Variants in PAX2 observed in about 807,000 individuals in gnomAD.
The protein encoded by PAX2 is paired box 2.
PAX2 carries 9 observed loss-of-function variants against 41.7 expected under a neutral mutation model. That is an observed-to-expected ratio of 0.22 (90% CI 0.13 to 0.38). The LOEUF (loss-of-function observed/expected upper bound fraction) is 0.38, where lower values mean the gene tolerates loss of function less well. Ranked by LOEUF, PAX2 falls within the 10% of genes least tolerant of loss-of-function variation. PAX2 has a pLI of 1.00. For synonymous variants in PAX2, 221 were observed against 212.7 expected, an observed-to-expected ratio of 1.04 and a Z score of -0.34; for missense variants, 418 against 531.6, an observed-to-expected ratio of 0.79 and a Z score of 2.10.
chr10:100,802,657 CG>C (rs2133942064), intron 5 of PAX2, among the ~76,000 whole-genome samples: 1 of 152,242 alleles, frequency 6.6e-6, no homozygotes, highest in South Asian at 2.1e-4. Flanking sequence ...AGTACCTACT[CG>C]GGGCCATTCC....
intron 5 of PAX2, among the ~76,000 whole-genome samples, chr10:100,790,710 A>G (rs958356087): frequency 6.6e-6 from 1 of 152,192 alleles, no homozygotes; most frequent in Admixed American, 6.5e-5. Context: ...CCTGCCTGCC[A>G]GCGGAATGGT....
intron 3 of PAX2, among the ~76,000 whole-genome samples, chr10:100,752,752 G>A (rs1037581845): frequency 3.3e-5 from 5 of 152,082 alleles, no homozygotes; most frequent in African/African-American, 7.2e-5. Context: ...TGGTGGCCCC[G>A]TCCAACACCC....
intron 1 of PAX2, chr10:100,747,775 C>G (rs980930653): frequency 6.1e-6 from 6 of 984,908 alleles, no homozygotes; most frequent in Non-Finnish European, 7.2e-6. Context: ...TCTCGGCGAG[C>G]GGGCCGGAAA....
Position 100,750,556 on chromosome 10 carries a change from C to T in PAX2, c.213-138C>T, listed in dbSNP as rs1374782946. Reference sequence around the variant, plus strand: ...TAGCCAGGCACCCTCAGGAAGTCAGCTCAGCCACACTGGGCCTTTTCCCTC... The same window carrying T: ...TAGCCAGGCACCCTCAGGAAGTCAGTTCAGCCACACTGGGCCTTTTCCCTC... On this transcript the variant is annotated intron_variant, in intron 2 of 9. Coordinates refer to ENST00000355243, the MANE Select transcript of PAX2 (RefSeq NM_000278.5). This position sits in a 1 kb window ranked among gnomAD's most constrained non-coding sequence, Gnocchi z 4.1. 6.8e-6 allele frequency: 5 copies of T among 737,668 alleles called. No individual in the cohort carries two copies. Among genetic ancestry groups the T allele is most frequent in the Non-Finnish European group, 1.1e-5 (5 of 440,778 alleles). The allele number at this position is 737,668 out of a possible 1,614,324, so 45.7% of individuals were successfully genotyped here. A position where few individuals can be genotyped will look rare whatever the true frequency, so the allele number is the denominator to read the frequency against.
chr10:100,819,254 A>C (rs530624327), intron 7 of PAX2, among the ~76,000 whole-genome samples: 1 of 149,342 alleles, frequency 6.7e-6, no homozygotes, highest in Non-Finnish European at 1.5e-5. Context: ...TCTCAAAAAA[A>C]AAAAAGGGGG....
chr10:100,746,752 T>A (rs1462524128), intron 1 of PAX2, among the ~76,000 whole-genome samples: 1 of 152,152 alleles, frequency 6.6e-6, no homozygotes, highest in Non-Finnish European at 1.5e-5. Context: ...CCCTCTCCTG[T>A]CTCCCCACAT....
At position 100,829,722 on chromosome 10, in the gene PAX2, C is replaced by T; in HGVS notation, c.*2103C>T. The stretch of plus-strand genomic sequence containing the variant: ...GGCTCCAGTGGCCCGAACGGGGCGG[C>T]GAGGGCGGCGAGGGCGCCGAGGTCC... On this transcript the variant is annotated 3_prime_UTR_variant, in exon 10 of 10. Coordinates refer to ENST00000355243, the MANE Select transcript of PAX2 (RefSeq NM_000278.5). 1 of 201,782 alleles carries T rather than the reference C, an allele frequency of 5.0e-6. No individual in the cohort carries two copies. The highest frequency in any genetic ancestry group is 1.0e-5 in the Non-Finnish European group (1 of 97,410). The allele number at this position is 201,782 out of a possible 1,614,324, so 12.5% of individuals were successfully genotyped here.
chr10:100,735,979 A>T (rs1032667651), intron 1 of PAX2, among the ~76,000 whole-genome samples: 6 of 152,212 alleles, frequency 3.9e-5, no homozygotes, highest in African/African-American at 1.4e-4. Context: ...TCGCTTGCAG[A>T]ACTTGGCTTT....
In PAX2 at chr10:100,824,353, T is replaced by TACACACACAC. The variant is rs61572589; in HGVS notation, c.920-261_920-252dup. 0.11 allele frequency among the ~76,000 whole-genome samples: 15,179 copies of TACACACACAC among 135,318 alleles called. 1,153 individuals carry two copies. Among genetic ancestry groups the TACACACACAC allele is most frequent in the Non-Finnish European group, 0.16 (9,859 of 62,914 alleles). The allele number at this position is 135,318 out of a possible 152,430, so 88.8% of individuals were successfully genotyped here. On this transcript the variant is annotated intron_variant, in intron 7 of 9. Transcript: ENST00000355243. The surrounding 1 kb of genome is among the most constrained non-coding windows in gnomAD (Gnocchi z 6.6). ...GCACAGAGACACAGGCAAAGGCAGA[T>TACACACACAC]ACACACACACACACACACACACACA...
intron 5 of PAX2, among the ~76,000 whole-genome samples, chr10:100,799,671 G>A (rs190572813): frequency 3.4e-4 from 51 of 152,102 alleles, no homozygotes; most frequent in African/African-American, 1.2e-3. Context: ...GTAGTAATAA[G>A]TACCTCGTAA....
chr10:100,803,126 C>A (rs984248113), intron 5 of PAX2, among the ~76,000 whole-genome samples: 3 of 152,118 alleles, frequency 2.0e-5, no homozygotes, highest in Admixed American at 1.3e-4. Context: ...CCTTCCCCTG[C>A]AAAGCCACCC....
upstream of PAX2, among the ~76,000 whole-genome samples, chr10:100,745,233 T>C (rs2133820781): frequency 6.6e-6 from 1 of 152,326 alleles, no homozygotes; most frequent in East Asian, 1.9e-4. Context: ...TTTATCCTTA[T>C]CTAGCGTTTA....
intron 6 of PAX2, among the ~76,000 whole-genome samples, chr10:100,808,258 T>C (rs1589883902): frequency 6.6e-6 from 1 of 151,984 alleles, no homozygotes; most frequent in Admixed American, 6.6e-5. Flanking sequence ...CAAAACTGAT[T>C]TCTACAGGAA....
chr10:100,749,383 A>G (rs1024904355), intron 1 of PAX2: 3 of 1,082,160 alleles, frequency 2.8e-6, no homozygotes, highest in Admixed American at 5.1e-5. Flanking sequence ...GTCCTCTGCC[A>G]GGCCCTTCCT....
intron 3 of PAX2, among the ~76,000 whole-genome samples, chr10:100,758,560 G>C (rs1052681211): frequency 5.9e-5 from 9 of 152,240 alleles, no homozygotes; most frequent in Non-Finnish European, 1.3e-4. Flanking sequence ...ATGCGCTGTG[G>C]CTGCAGGAGT....
At chr10:100,742,527 CCA>C (rs1589801375), upstream of PAX2, among the ~76,000 whole-genome samples, 1 of 152,154 alleles carries the variant, frequency 6.6e-6, no homozygotes, top group Non-Finnish European at 1.5e-5. Flanking sequence ...GAGCCGAGAT[CCA>C]CAAGGAAGAT....
At chr10:100,742,683 G>T (rs892289874), upstream of PAX2, among the ~76,000 whole-genome samples, 4 of 138,148 alleles carry the variant, frequency 2.9e-5, no homozygotes, top group Non-Finnish European at 4.4e-5. Flanking sequence ...CCCCTAGGTT[G>T]GGGGGTGGAA....
intron 3 of PAX2, among the ~76,000 whole-genome samples, 172 bp from the exon 4 acceptor site, chr10:100,779,326 A>G (rs1846515170): frequency 1.3e-5 from 2 of 152,240 alleles, no homozygotes; most frequent in South Asian, 4.1e-4. Flanking sequence ...CGGAGCCAAC[A>G]GAAGGAAAAC....
intron 3 of PAX2, among the ~76,000 whole-genome samples, chr10:100,778,782 G>A (rs1049710379): frequency 9.5e-4 from 144 of 152,328 alleles, no homozygotes; most frequent in East Asian, 1.3e-3. Flanking sequence ...GGCTGGCAAA[G>A]ACGCTGCAAT....
Sources: gnomAD v4.1 joint callset for allele counts (sites outside exome capture counted in the v4.1 genomes callset) on GRCh38, gnomAD v4.1.1 for gene constraint, Gnocchi (gnomAD v3.1) non-coding constraint, MANE v1.5 for transcripts, NCBI Gene and HGNC (gene_info 2026-07-23, HGNC 2026-07-21) for gene names.